Variants in GLB1L2 observed in about 807,000 individuals in gnomAD.
GLB1L2 encodes the protein galactosidase beta 1 like 2.
GLB1L2 carries 68 observed loss-of-function variants against 84.1 expected under a neutral mutation model. The ratio of observed to expected loss-of-function variants is 0.81; its 90% CI spans 0.67 to 0.99. The LOEUF is 0.99. Among genes scored for constraint, GLB1L2 ranks in the 50% least tolerant of loss-of-function variants. The probability of loss-of-function intolerance (pLI) is 0.00; values close to 1 mark genes in which losing one functional copy is unlikely to be tolerated. For missense variants in GLB1L2, 762 were observed against 805.6 expected, an observed-to-expected ratio of 0.95 and a Z score of 0.66; for synonymous variants, 290 against 318.0, an observed-to-expected ratio of 0.91 and a Z score of 0.94.
intron 1 of GLB1L2, among the ~76,000 whole-genome samples, chr11:134,340,449 G>A (rs1591610113): frequency 6.6e-6 from 1 of 152,332 alleles, no homozygotes; most frequent in East Asian, 1.9e-4. Flanking sequence ...GTTGCGGCGG[G>A]CAGGTGAGTC....
At chr11:134,357,694 G>A (rs1168196276) in intron 6 of GLB1L2, among the ~76,000 whole-genome samples, 1 of 152,238 alleles carries the variant, frequency 6.6e-6, no homozygotes, top group Non-Finnish European at 1.5e-5. Context: ...AGGCGCCCAT[G>A]TGTGACTCAG....
chr11:134,343,991 G>A (rs1159236442), intron 2 of GLB1L2, among the ~76,000 whole-genome samples: 1 of 152,230 alleles, frequency 6.6e-6, no homozygotes, highest in Non-Finnish European at 1.5e-5. Context: ...CGAGTTGGAA[G>A]CTTCATTCTG....
In GLB1L2 at chr11:134,370,318, C is replaced by A; in HGVS notation, c.1134C>A (p.Asp378Glu). The change falls in exon 12 of 19, where the codon GAC (aspartate) becomes GAA (glutamate). Residue 378 changes from aspartate (D) to glutamate (E), a missense_variant. Coordinates refer to ENST00000535456, the MANE Select transcript of GLB1L2 (RefSeq NM_001370461.1). The surrounding 1 kb of genome is among the most constrained non-coding windows in gnomAD (Gnocchi z 4.7). The part of the protein sequence containing the change: ...ISGIPLPPPP[D>E]LLPKMPYEPL... ...GCATCCCTCTCCCTCCCCCACCTGA[C>A]CTTCTTCCCAAGATGCCGTATGAGC... 3 of 1,613,934 alleles carry A rather than the reference C, an allele frequency of 1.9e-6. No individual in the cohort carries two copies. Among genetic ancestry groups the A allele is most frequent in the Non-Finnish European group, 2.5e-6 (3 of 1,179,960 alleles).
intron 14 of GLB1L2, 119 bp from the exon 15 acceptor site, chr11:134,371,633 C>A: frequency 8.8e-7 from 1 of 1,137,934 alleles, no homozygotes; most frequent in Non-Finnish European, 1.3e-6. Context: ...TGGCTTTCTG[C>A]CCAGCTGGGA....
chr11:134,366,378 A>G (rs1943867667), intron 8 of GLB1L2, among the ~76,000 whole-genome samples: 1 of 152,274 alleles, frequency 6.6e-6, no homozygotes, highest in African/African-American at 2.4e-5. Context: ...ATGGACCGTG[A>G]GTTTGTCCCA....
At chr11:134,369,313 C>T (rs1943908038) in intron 10 of GLB1L2, among the ~76,000 whole-genome samples, 1 of 152,210 alleles carries the variant, frequency 6.6e-6, no homozygotes, top group Non-Finnish European at 1.5e-5. Context: ...CTGCTTCGGC[C>T]TCCTGAGTAG....
At chr11:134,368,936 C>T (rs772768983) in intron 10 of GLB1L2, among the ~76,000 whole-genome samples, 155 bp downstream of exon 10, 17 of 152,202 alleles carry the variant, frequency 1.1e-4, no homozygotes, top group Admixed American at 5.9e-4. Flanking sequence ...TCATGTTACA[C>T]TCCCAGAGGA....
At position 134,371,448 on chromosome 11, in the gene GLB1L2, T is replaced by C; in HGVS notation, c.1384T>C (p.Phe462Leu). The C allele has an allele frequency of 6.2e-7, 1 of 1,601,584 alleles. No individual in the cohort carries two copies. The highest frequency in any genetic ancestry group is 8.6e-7 in the Non-Finnish European group (1 of 1,168,526). ...QVFVNTVSIGFLDYKTTKIAV... is the reference protein window; with the variant it reads ...QVFVNTVSIGLLDYKTTKIAV... Reference sequence around the variant, plus strand: ...GTTTGTGAACACAGTATCCATAGGATTCTTGGACTACAAGACAACGAAGAT... The same window carrying C: ...GTTTGTGAACACAGTATCCATAGGACTCTTGGACTACAAGACAACGAAGAT... The change falls in exon 14 of 19, where the codon TTC becomes CTC. Residue 462 changes from phenylalanine to leucine, a missense_variant. By Grantham distance (22) the Phe-to-Leu change is conservative (BLOSUM62 0). This residue lies in a region of GLB1L2 where 603 missense variants were observed against 611.7 expected (regional missense o/e 0.99). Coordinates refer to ENST00000535456, the MANE Select transcript of GLB1L2 (RefSeq NM_001370461.1).
At position 134,334,344 on chromosome 11, in the gene GLB1L2, T is replaced by C. The variant is rs964825568; in HGVS notation, c.86+2197T>C. 2.0e-5 allele frequency among the ~76,000 whole-genome samples: 3 copies of C among 152,184 alleles called. No individual in the cohort carries two copies. The highest frequency in any genetic ancestry group is 4.4e-5 in the Non-Finnish European group (3 of 68,038). On this transcript the variant is annotated intron_variant, in intron 1 of 18. Transcript: ENST00000535456. This position sits in a 1 kb window ranked among gnomAD's most constrained non-coding sequence, Gnocchi z 4.1. ...GTTTGGCTATAGCTTTTCTTTTTTT[T>C]CATCAACTTTTCCTTGGGCTGGTTC...
At chr11:134,352,142 AT>A (rs535438831) in intron 5 of GLB1L2, among the ~76,000 whole-genome samples, 14 of 152,158 alleles carry the variant, frequency 9.2e-5, no homozygotes, top group African/African-American at 3.1e-4. Flanking sequence ...GTCTGTTCAG[AT>A]TTTATATTTC....
intron 7 of GLB1L2, among the ~76,000 whole-genome samples, chr11:134,363,584 T>G (rs1278675849): frequency 1.3e-5 from 2 of 152,192 alleles, no homozygotes; most frequent in African/African-American, 4.8e-5. Context: ...AAAATAGCAT[T>G]TTAAATTTTA....
intron 7 of GLB1L2, among the ~76,000 whole-genome samples, chr11:134,362,329 C>T (rs1365919947): frequency 7.2e-5 from 6 of 83,108 alleles, no homozygotes; most frequent in Non-Finnish European, 1.3e-4. Context: ...TTCCCCGGCG[C>T]TGCCCGCGTT....
intron 7 of GLB1L2, among the ~76,000 whole-genome samples, chr11:134,363,901 A>G (rs1040946946): frequency 1.3e-5 from 2 of 152,190 alleles, no homozygotes; most frequent in Admixed American, 1.3e-4. Flanking sequence ...TTTGTGAGAC[A>G]CAGTCTCACT....
intron 1 of GLB1L2, among the ~76,000 whole-genome samples, chr11:134,336,714 A>T (rs985949297): frequency 6.6e-6 from 1 of 152,142 alleles, no homozygotes; most frequent in African/African-American, 2.4e-5. Context: ...GAGCCAGTGC[A>T]TCTCTTGTAT....
chr11:134,374,770 G>C lies in GLB1L2; in HGVS notation c.1824+52G>C, dbSNP rs772867582. On this transcript the variant is annotated intron_variant, in intron 18 of 18. Coordinates refer to ENST00000535456, the MANE Select transcript of GLB1L2 (RefSeq NM_001370461.1). ...CCCCATGACGCCCTGCCCACCTGCCGTCCCAGGGAGCCTTCGGTCAGGGTG... is the reference window on the plus strand; with the variant it reads ...CCCCATGACGCCCTGCCCACCTGCCCTCCCAGGGAGCCTTCGGTCAGGGTG... 4.1e-6 allele frequency: 6 copies of C among 1,452,312 alleles called. No individual in the cohort carries two copies. In the South Asian group the frequency reaches 6.9e-5, roughly 17 times the overall value. 90.0% of individuals were successfully genotyped at this position (1,452,312 alleles called of 1,614,324 possible).
intron 2 of GLB1L2, among the ~76,000 whole-genome samples, chr11:134,343,406 T>C (rs1943499710): frequency 6.6e-6 from 1 of 152,198 alleles, no homozygotes; most frequent in Non-Finnish European, 1.5e-5. Flanking sequence ...TGGCACATGG[T>C]AGGCACGCAC....
intron 7 of GLB1L2, among the ~76,000 whole-genome samples, chr11:134,363,514 G>A (rs956805467): frequency 2.0e-5 from 3 of 152,224 alleles, no homozygotes; most frequent in Non-Finnish European, 4.4e-5. Context: ...GCATGCCCGG[G>A]TGTCAGCCAA....
chr11:134,364,101 G>A (rs986136978), intron 7 of GLB1L2, among the ~76,000 whole-genome samples: 3 of 152,110 alleles, frequency 2.0e-5, no homozygotes, highest in African/African-American at 4.8e-5. Flanking sequence ...GGCTGGTCTC[G>A]AACTCCTGGC....
chr11:134,355,161 C>T (rs1258891577), intron 5 of GLB1L2, among the ~76,000 whole-genome samples: 2 of 152,140 alleles, frequency 1.3e-5, no homozygotes, highest in Non-Finnish European at 2.9e-5. Flanking sequence ...TGGTATATTT[C>T]AGCCCCAGAA....
Sources: gnomAD v4.1 joint callset for allele counts (sites outside exome capture counted in the v4.1 genomes callset) on GRCh38, gnomAD v4.1.1 for gene constraint, gnomAD v4.1.1 regional missense constraint, Gnocchi (gnomAD v3.1) non-coding constraint, MANE v1.5 for transcripts, NCBI Gene and HGNC (gene_info 2026-07-23, HGNC 2026-07-21) for gene names.